Variants in RTCB observed in about 807,000 individuals in gnomAD.
RTCB encodes RNA-splicing ligase RTCB.
RTCB carries 32 observed loss-of-function variants against 58.2 expected under a neutral mutation model. That is an observed-to-expected ratio of 0.55 (90% CI 0.41 to 0.74). The LOEUF (loss-of-function observed/expected upper bound fraction) is 0.74. Among genes scored for constraint, RTCB ranks in the 30% least tolerant of loss-of-function variants. The pLI, the probability that RTCB is intolerant of heterozygous loss-of-function variation, is 0.00. For synonymous variants in RTCB, 247 were observed against 218.6 expected, an observed-to-expected ratio of 1.13 and a Z score of -1.15; for missense variants, 523 against 639.0, an observed-to-expected ratio of 0.82 and a Z score of 1.96.
Position 32,395,146 on chromosome 22 carries a change from G to A in RTCB, c.1059C>T (p.His353=), listed in dbSNP as rs1933224174. 1.2e-6 allele frequency: 2 copies of A among 1,614,188 alleles called. No individual in the cohort carries two copies. Among genetic ancestry groups the A allele is most frequent in the South Asian group, 1.1e-5 (1 of 91,084 alleles). The part of the protein sequence containing the change: ...LDLHVIYDVS[H]NIAKVEQHVV... ...CATGCTGCTCCACTTTGGCAATGTT[G>A]TGAGAAACATCATAGATCACATGTA... The change falls in exon 9 of 12, where the codon CAC becomes CAT. Residue 353 remains histidine, a synonymous_variant. Coordinates refer to ENST00000216038, the MANE Select transcript of RTCB (RefSeq NM_014306.5).
intron 4 of RTCB, among the ~76,000 whole-genome samples, chr22:32,402,526 T>C (rs1381719905): frequency 6.6e-6 from 1 of 152,134 alleles, no homozygotes; most frequent in African/African-American, 2.4e-5. Context: ...CTCGGCTCAC[T>C]GCAACCTCCG....
At chr22:32,390,480 GCT>G (rs1173572099) in intron 11 of RTCB, among the ~76,000 whole-genome samples, 1 of 147,016 alleles carries the variant, frequency 6.8e-6, no homozygotes, top group Non-Finnish European at 1.5e-5. Flanking sequence ...ATGGAGTGTT[GCT>G]CTGTCGCCCA....
rs1263534258 is a variant in RTCB, at chr22:32,412,051, T to C, written c.93+13A>G. ...GAGCACGGAAGGCCCCGCCATTTGC[T>C]CTCCTGCCTTACCTGCATGTTGGGC... On this transcript the variant is annotated intron_variant, in intron 1 of 11. Coordinates refer to ENST00000216038, the MANE Select transcript of RTCB (RefSeq NM_014306.5). 5 of 1,596,182 alleles carry C rather than the reference T, an allele frequency of 3.1e-6. No homozygotes were observed. The highest frequency in any genetic ancestry group is 2.3e-5 in the East Asian group (1 of 44,342).
chr22:32,399,869 T>C, intron 5 of RTCB, 110 bp from the exon 6 acceptor site: 1 of 1,030,380 alleles, frequency 9.7e-7, no homozygotes, highest in South Asian at 2.2e-5. Flanking sequence ...CTATCTCCTG[T>C]GTTCCAAGCC....
chr22:32,410,363 T>C (rs999335829), intron 1 of RTCB, among the ~76,000 whole-genome samples: 1 of 152,028 alleles, frequency 6.6e-6, no homozygotes, highest in Non-Finnish European at 1.5e-5. Context: ...TTTAAGGGAA[T>C]AAAGAGAAAT....
At chr22:32,392,196 T>TGG (rs773016415) in intron 11 of RTCB, 44 bp downstream of exon 11, 1 of 1,575,216 alleles carries the variant, frequency 6.3e-7, no homozygotes, top group Admixed American at 1.8e-5. Context: ...AAATTACAAA[T>TGG]GGGGAACAAT....
intron 3 of RTCB, 142 bp from the exon 4 acceptor site, chr22:32,406,903 A>G: frequency 3.5e-6 from 2 of 567,674 alleles, no homozygotes; most frequent in African/African-American, 1.9e-5. Context: ...AATCTTCTAT[A>G]TGCATGGAAA....
chr22:32,400,398 G>A (rs1320628410), intron 5 of RTCB, among the ~76,000 whole-genome samples: 1 of 151,694 alleles, frequency 6.6e-6, no homozygotes, highest in East Asian at 1.9e-4. Context: ...ACACTGCCAG[G>A]AAAAACTACA....
intron 9 of RTCB, 36 bp from the exon 10 acceptor site, chr22:32,394,038 A>T (rs766255130): frequency 7.1e-7 from 1 of 1,408,122 alleles, no homozygotes; most frequent in Admixed American, 1.7e-5. Flanking sequence ...GTTAAAATTC[A>T]GAAAAACATA....
intron 2 of RTCB, 36 bp from the exon 3 acceptor site, chr22:32,408,278 C>T (rs989528921): frequency 5.6e-5 from 86 of 1,542,826 alleles, no homozygotes; most frequent in Non-Finnish European, 7.6e-5. Context: ...AAAGACAACA[C>T]ACTTGATTTT....
chr22:32,394,977 T>C, intron 9 of RTCB, 49 bp downstream of exon 9: 1 of 1,493,782 alleles, frequency 6.7e-7, no homozygotes, highest in Non-Finnish European at 9.2e-7. Context: ...TTTGCAACAA[T>C]CTAAATCGTG....
At chr22:32,408,494 G>A (rs530751437) in intron 2 of RTCB, among the ~76,000 whole-genome samples, 2 of 152,274 alleles carry the variant, frequency 1.3e-5, no homozygotes, top group South Asian at 4.1e-4. Flanking sequence ...ACAAATGGTA[G>A]GTCACTTGCT....
At chr22:32,394,551 A>G (rs971208042) in intron 9 of RTCB, among the ~76,000 whole-genome samples, 6 of 152,218 alleles carry the variant, frequency 3.9e-5, no homozygotes, top group African/African-American at 1.4e-4. Flanking sequence ...TCAAAATAAG[A>G]GCAAAGCAAA....
chr22:32,388,232 C>T (rs1055258232), intron 11 of RTCB, 133 bp from the exon 12 acceptor site: 1 of 575,870 alleles, frequency 1.7e-6, no homozygotes, highest in African/African-American at 1.9e-5. Context: ...ATGAAATTAG[C>T]AAAAATTTAA....
At chr22:32,391,028 C>G (rs1933146497) in intron 11 of RTCB, among the ~76,000 whole-genome samples, 1 of 152,204 alleles carries the variant, frequency 6.6e-6, no homozygotes. Context: ...TCTTGAACTC[C>G]TGGCCTCAAG....
chr22:32,404,524 G>A (rs550470738), intron 4 of RTCB, among the ~76,000 whole-genome samples: 141 of 152,138 alleles, frequency 9.3e-4, no homozygotes, highest in African/African-American at 3.1e-3. Context: ...CTCTGGATTC[G>A]GCCTTCCCAG....
chr22:32,410,143 T>C (rs7286662), intron 1 of RTCB, among the ~76,000 whole-genome samples: 2,277 of 152,266 alleles, frequency 0.015, 58 homozygotes, highest in African/African-American at 0.052. Flanking sequence ...CTGATAAGAA[T>C]ATCAGAGTGC....
intron 7 of RTCB, 109 bp downstream of exon 7, chr22:32,397,832 G>A (rs2145892574): frequency 1.0e-6 from 1 of 987,776 alleles, no homozygotes; most frequent in Admixed American, 3.0e-5. Flanking sequence ...TTATTTAATT[G>A]TTGAGGACTC....
At chr22:32,411,224 A>G (rs2145900685) in intron 1 of RTCB, among the ~76,000 whole-genome samples, 1 of 152,342 alleles carries the variant, frequency 6.6e-6, no homozygotes, top group South Asian at 2.1e-4. Context: ...CGAGACGGTA[A>G]ACCTTTGAAG....
Sources: allele counts gnomAD v4.1 joint callset (sites outside exome capture counted in the v4.1 genomes callset), GRCh38; gene constraint gnomAD v4.1.1; transcripts MANE v1.5; gene names NCBI Gene and HGNC (gene_info 2026-07-23, HGNC 2026-07-21).